Variants in CYFIP2 observed in about 807,000 individuals in gnomAD.
CYFIP2 encodes cytoplasmic FMR1 interacting protein 2, also known as cytoplasmic FMR1-interacting protein 2.
Under a neutral mutation model 158.7 loss-of-function variants are expected in CYFIP2, and 29 were observed. That is an observed-to-expected ratio of 0.18 (90% confidence interval 0.14 to 0.25). CYFIP2 has a LOEUF of 0.25. CYFIP2 is among the 10% of genes least tolerant of loss of function. The pLI, the probability that CYFIP2 is intolerant of heterozygous loss-of-function variation, is 1.00. For synonymous variants in CYFIP2, 585 were observed against 617.6 expected (o/e 0.95, Z 0.78); for missense variants, 852 against 1,639.5 (o/e 0.52, Z 8.29).
intron 13 of CYFIP2, among the ~76,000 whole-genome samples, chr5:157,316,285 A>G (rs1246262178): frequency 6.6e-6 from 1 of 152,208 alleles, no homozygotes; most frequent in Non-Finnish European, 1.5e-5. Flanking sequence ...ATATGTAAAG[A>G]AATATGTAAT....
At chr5:157,333,994 C>G (rs1333058708) in intron 21 of CYFIP2, among the ~76,000 whole-genome samples, 1 of 152,254 alleles carries the variant, frequency 6.6e-6, no homozygotes, top group Admixed American at 6.5e-5. Context: ...TGCTAATTCT[C>G]TCTCTTCAAG....
chr5:157,295,590 CTT>C, intron 4 of CYFIP2, among the ~76,000 whole-genome samples: 1 of 152,356 alleles, frequency 6.6e-6, no homozygotes, highest in East Asian at 1.9e-4. Context: ...TTTTGTTTCA[CTT>C]AATAAAAATG....
At chr5:157,348,843 A>G (rs751016146) in intron 23 of CYFIP2, among the ~76,000 whole-genome samples, 1 of 152,124 alleles carries the variant, frequency 6.6e-6, no homozygotes, top group Admixed American at 6.5e-5. Context: ...CCTCTTCCCA[A>G]GAGCTAGTGG....
Position 157,285,458 on chromosome 5 carries a change from C to T in CYFIP2, c.97C>T (p.Pro33Ser). 6.4e-7 allele frequency: 1 copy of T among 1,572,944 alleles called. No homozygotes were observed. The highest frequency in any genetic ancestry group is 8.6e-7 in the Non-Finnish European group (1 of 1,159,002). ...PDQQPCIEPP[P>S]SSIMYQANFD... Reference sequence around the variant, plus strand: ...CCAGCAGCCATGCATCGAGCCTCCACCTTCCTCCATCATGTACCAGGTAAT... The same window carrying T: ...CCAGCAGCCATGCATCGAGCCTCCATCTTCCTCCATCATGTACCAGGTAAT... The change falls in exon 2 of 31, where the codon CCT becomes TCT. Residue 33 changes from proline to serine, a missense_variant. By Grantham distance (74) the Pro-to-Ser change is moderately conservative. Coordinates refer to ENST00000620254, the MANE Select transcript of CYFIP2 (RefSeq NM_001037333.3).
chr5:157,296,651 G>A, intron 4 of CYFIP2, 22 bp from the exon 5 acceptor site: 1 of 1,605,786 alleles, frequency 6.2e-7, no homozygotes, highest in East Asian at 2.2e-5. Flanking sequence ...CAGGATGTGT[G>A]TGTCCCCATT....
rs74407466 is a variant in CYFIP2 at position 157,311,534 on chromosome 5, C to T, written c.993-130C>T. ...GACTTAGCAGGCTTTCTTGCTGAGG[C>T]GGCTGGGATACCATTTGGTGTCACC... is the stretch of plus-strand genomic sequence containing the variant. On this transcript the variant is annotated intron_variant, in intron 10 of 30. Coordinates refer to ENST00000620254, the MANE Select transcript of CYFIP2 (RefSeq NM_001037333.3). The surrounding 1 kb of genome is among the most constrained non-coding windows in gnomAD (Gnocchi z 4.7). The T allele has an allele frequency of 2.7e-3, 1,943 of 710,200 alleles. 32 individuals are homozygous for T. The African/African-American group carries it at 0.029, about 11-fold the overall frequency. The allele number at this position is 710,200 out of a possible 1,614,324, so 44.0% of individuals were successfully genotyped here. A position where few individuals can be genotyped will look rare whatever the true frequency, so the allele number is the denominator to read the frequency against.
chr5:157,349,216 A>T (rs991992087), intron 23 of CYFIP2, among the ~76,000 whole-genome samples: 1 of 152,084 alleles, frequency 6.6e-6, no homozygotes, highest in Non-Finnish European at 1.5e-5. Flanking sequence ...ATTTTGGTGC[A>T]CCCATCATAC....
At position 157,394,325 on chromosome 5, in the gene CYFIP2, C is replaced by T. The variant is rs1767580521; in HGVS notation, c.*1325C>T. On this transcript the variant is annotated 3_prime_UTR_variant, in exon 31 of 31. Transcript: ENST00000620254. ...TGTCATTGTCAAAGGAAATCTGTGG[C>T]CCTGAGATTTTAAGAACATAAAATG... The T allele has an allele frequency of 6.6e-6, 1 of 152,140 alleles. No individual in the cohort carries two copies. The highest frequency in any genetic ancestry group is 2.4e-5 in the African/African-American group (1 of 41,428). 9.4% of individuals were successfully genotyped at this position (152,140 alleles called of 1,614,324 possible).
Position 157,339,257 on chromosome 5 carries a change from G to A in CYFIP2, c.2585+1G>A. 6.2e-7 allele frequency: 1 copy of A among 1,610,848 alleles called. No homozygotes were observed. The highest frequency in any genetic ancestry group is 8.5e-7 in the Non-Finnish European group (1 of 1,177,540). On this transcript the variant is annotated splice_donor_variant, in intron 22 of 30. Transcript: ENST00000620254. LOFTEE classifies it high-confidence loss of function. ...ACTGCTACAATGGGTCCACTAACCG[G>A]TAAGGGAGTCCCTGTGCAGAGGGGG... is the stretch of plus-strand genomic sequence containing the variant.
At chr5:157,343,635 G>A (rs1021353560) in intron 23 of CYFIP2, 32 of 1,007,816 alleles carry the variant, frequency 3.2e-5, no homozygotes, top group Middle Eastern at 4.7e-4. Flanking sequence ...CATTTGAGAC[G>A]GGCACTCATG....
intron 26 of CYFIP2, chr5:157,363,274 T>C (rs1195219341): frequency 6.6e-6 from 1 of 152,224 alleles, no homozygotes; most frequent in East Asian, 1.9e-4. Context: ...CAGAACCTAG[T>C]GGGAATCTCT....
intron 1 of CYFIP2, among the ~76,000 whole-genome samples, chr5:157,274,468 A>G (rs1053169694): frequency 6.6e-6 from 1 of 152,132 alleles, no homozygotes; most frequent in Non-Finnish European, 1.5e-5. Flanking sequence ...ACAATTTTTT[A>G]TTTATCAGTT....
intron 28 of CYFIP2, chr5:157,384,666 G>A (rs10063539): frequency 0.11 from 40,660 of 376,488 alleles, 2,293 homozygotes; most frequent in Middle Eastern, 0.15. Context: ...GGGGCCGGGC[G>A]CGGTGGCTCA....
intron 28 of CYFIP2, chr5:157,384,441 C>T (rs1422504738): frequency 8.8e-6 from 4 of 456,642 alleles, no homozygotes; most frequent in East Asian, 7.0e-5. Flanking sequence ...ACTCGCATTC[C>T]GGCGGTCCTC....
chr5:157,324,408 C>T (rs907741676), intron 16 of CYFIP2, among the ~76,000 whole-genome samples: 10 of 152,180 alleles, frequency 6.6e-5, no homozygotes, highest in Admixed American at 3.9e-4. Flanking sequence ...CGCAACCAAG[C>T]GCTAATTAGT....
At chr5:157,288,076 G>C (rs190628796) in intron 3 of CYFIP2, among the ~76,000 whole-genome samples, 5 of 152,246 alleles carry the variant, frequency 3.3e-5, no homozygotes, top group Non-Finnish European at 7.4e-5. Flanking sequence ...CTGGGCAACA[G>C]AGCAAGACCC....
chr5:157,273,932 T>G (rs1395060394), intron 1 of CYFIP2, among the ~76,000 whole-genome samples: 1 of 151,958 alleles, frequency 6.6e-6, no homozygotes, highest in Non-Finnish European at 1.5e-5. Context: ...GTCAGGAGTT[T>G]GAGACCAGCC....
Position 157,389,235 on chromosome 5 carries a change from T to G in CYFIP2, c.3254T>G (p.Leu1085Arg). The change falls in exon 29 of 31, where the codon CTG (leucine) becomes CGG (arginine). Residue 1085 changes from leucine (L) to arginine (R), a missense_variant. Coordinates refer to ENST00000620254, the MANE Select transcript of CYFIP2 (RefSeq NM_001037333.3). Reference sequence around the variant, plus strand: ...GGTGACCTCCTGACCAAGGAGCGGCTGTGCTGTGGCCTGTCCATGTTCGAG... The same window carrying G: ...GGTGACCTCCTGACCAAGGAGCGGCGGTGCTGTGGCCTGTCCATGTTCGAG... Reference protein sequence around the residue: ...REGDLLTKERLCCGLSMFEVI... With the variant: ...REGDLLTKERRCCGLSMFEVI... 1 of 1,613,926 alleles carries G rather than the reference T, an allele frequency of 6.2e-7. No homozygotes were observed. The highest frequency in any genetic ancestry group is 8.5e-7 in the Non-Finnish European group (1 of 1,179,792).
chr5:157,383,139 C>A (rs926695828), intron 27 of CYFIP2, 126 bp from the exon 28 acceptor site: 26 of 743,608 alleles, frequency 3.5e-5, no homozygotes, highest in Non-Finnish European at 5.6e-5. Flanking sequence ...CGAAGGAGAG[C>A]AGTTCCACAC....
Sources: allele counts gnomAD v4.1 joint callset (sites outside exome capture counted in the v4.1 genomes callset), GRCh38; gene constraint gnomAD v4.1.1; non-coding constraint Gnocchi (gnomAD v3.1); transcripts MANE v1.5; gene names NCBI Gene and HGNC (gene_info 2026-07-23, HGNC 2026-07-21).